DMKN: variants seen among roughly 807,000 people sequenced by gnomAD.
DMKN encodes dermokine.
In DMKN, 58 loss-of-function variants were observed where a neutral mutation model predicts 67.6. That is an observed-to-expected ratio of 0.86 (90% confidence interval 0.69 to 1.07). The LOEUF is 1.07. DMKN is among the 50% of genes least tolerant of loss of function. The probability of loss-of-function intolerance (pLI) is 0.00; values close to 1 mark genes in which losing one functional copy is unlikely to be tolerated. For synonymous variants in DMKN, 240 were observed against 232.3 expected (o/e 1.03, Z -0.30); for missense variants, 596 against 601.5 (o/e 0.99, Z 0.10).
chr19:35,509,823 G>C, intron 7 of DMKN, 88 bp downstream of exon 7: 1 of 1,487,390 alleles, frequency 6.7e-7, no homozygotes, highest in Non-Finnish European at 9.3e-7. Context: ...GGCAGGAGGG[G>C]GTTGAGCAGA....
At chr19:35,511,891 C>A (rs2070893833) in intron 3 of DMKN, 78 bp from the exon 4 acceptor site, 16 of 1,462,198 alleles carry the variant, frequency 1.1e-5, no homozygotes, top group Middle Eastern at 1.8e-4. Flanking sequence ...ACAGGCCAGG[C>A]CTCTCCCATT....
chr19:35,508,250 GAGACAAAGAAACAC>G, intron 7 of DMKN: 1 of 1,552,126 alleles, frequency 6.4e-7, no homozygotes, highest in Non-Finnish European at 8.7e-7. Context: ...CCTGCAGGGT[GAGACAAAGAAACAC>G]AGACCCCTGC....
intron 11 of DMKN, 27 bp from the exon 12 acceptor site, chr19:35,500,607 G>A (rs765749130): frequency 3.1e-6 from 5 of 1,597,578 alleles, no homozygotes; most frequent in South Asian, 2.2e-5. Flanking sequence ...GCCACAGTTC[G>A]TGCCTCCGCA....
At chr19:35,502,942 CCCTCCT>C (rs2068684984) in intron 9 of DMKN, 56 bp from the exon 10 acceptor site, 1 of 1,552,680 alleles carries the variant, frequency 6.4e-7, no homozygotes, top group Non-Finnish European at 8.8e-7. Context: ...ACTCACCCAC[CCCTCCT>C]CCTGCTACTG....
At chr19:35,502,013 G>GA in intron 11 of DMKN, 123 bp downstream of exon 11, 1 of 1,578,604 alleles carries the variant, frequency 6.3e-7, no homozygotes, top group South Asian at 1.1e-5. Context: ...CCCCACTCGG[G>GA]ATTGCACAAA....
chr19:35,499,160 C>T lies in DMKN; in HGVS notation c.1360-263G>A, dbSNP rs2067940973. The T allele has an allele frequency of 5.2e-5, 28 of 535,734 alleles. No homozygotes were observed. In the South Asian group the frequency reaches 5.6e-4, roughly 11 times the overall value. 33.2% of individuals were successfully genotyped at this position (535,734 alleles called of 1,614,324 possible). A position where few individuals can be genotyped will look rare whatever the true frequency, so the allele number is the denominator to read the frequency against. ...AAGGGGGTCAAAAGAGCATAGGCCT[C>T]GCTTTGGCCTGCCAGGTAGGGAGAC... On this transcript the variant is annotated intron_variant, in intron 13 of 15. Coordinates refer to ENST00000339686, the MANE Select transcript of DMKN (RefSeq NM_033317.5).
intron 3 of DMKN, 39 bp from the exon 4 acceptor site, chr19:35,511,852 G>C (rs1159769342): frequency 6.3e-7 from 1 of 1,590,822 alleles, no homozygotes; most frequent in African/African-American, 1.3e-5. Flanking sequence ...GGGACGGTGA[G>C]TTTGGAGACG....
rs556331150 is a variant in DMKN at position 35,513,206 on chromosome 19, G to A, written c.270C>T (p.Gly90=). Residue 90 remains glycine, a synonymous_variant, in exon 1 of 16, where the codon GGC becomes GGT. Coordinates refer to ENST00000339686, the MANE Select transcript of DMKN (RefSeq NM_033317.5). ...GTGVRQVPGF[G]VADALGNRVG... ...CCCTGTTGCCCAAAGCATCTGCTAC[G>A]CCAAAGCCTGGAACCTGCCTGACTC... The A allele has an allele frequency of 2.0e-5, 33 of 1,614,198 alleles. No homozygotes were observed. Among genetic ancestry groups the A allele is most frequent in the East Asian group, 1.6e-4 (7 of 44,880 alleles).
chr19:35,506,560 G>A (rs576494384), intron 7 of DMKN: 1 of 478,212 alleles, frequency 2.1e-6, no homozygotes, highest in Non-Finnish European at 4.1e-6. Context: ...CCTTGGTCTG[G>A]TGGTGACATG....
chr19:35,499,277 A>C (rs1599794660), intron 13 of DMKN: 1 of 288,554 alleles, frequency 3.5e-6, no homozygotes, highest in South Asian at 4.3e-5. Context: ...CCCTCCTCTC[A>C]CCAGCCTGTA....
At chr19:35,511,314 G>A in intron 5 of DMKN, 97 bp downstream of exon 5, 1 of 1,574,962 alleles carries the variant, frequency 6.3e-7, no homozygotes. Flanking sequence ...CCCATCCTCG[G>A]GCAGCGGCAG....
chr19:35,506,074 G>A, intron 7 of DMKN, 88 bp from the exon 8 acceptor site: 1 of 1,608,828 alleles, frequency 6.2e-7, no homozygotes, highest in Middle Eastern at 1.6e-4. Context: ...GGGAGGCGAG[G>A]ATTGTGTGAC....
At chr19:35,502,691 C>T (rs1020157062) in intron 10 of DMKN, 139 bp downstream of exon 10, 6 of 837,382 alleles carry the variant, frequency 7.2e-6, no homozygotes, top group Non-Finnish European at 1.2e-5. Flanking sequence ...GGTGATAGAG[C>T]GAGACTCTGT....
Position 35,513,514 on chromosome 19 carries a change from C to T in DMKN, c.-39G>A, listed in dbSNP as rs765659801. ...CCTCTCTCTCCAGAGTGTCTTCCTCCCACCAGGGTCTCCTCCTTGCCGCCC... is the reference window on the plus strand; with the variant it reads ...CCTCTCTCTCCAGAGTGTCTTCCTCTCACCAGGGTCTCCTCCTTGCCGCCC... On this transcript the variant is annotated 5_prime_UTR_variant, in exon 1 of 16. Coordinates refer to ENST00000339686, the MANE Select transcript of DMKN (RefSeq NM_033317.5). The T allele has an allele frequency of 1.3e-6, 2 of 1,563,298 alleles. No homozygotes were observed. Among genetic ancestry groups the T allele is most frequent in the Non-Finnish European group, 8.6e-7 (1 of 1,164,688 alleles).
rs750312430 is a variant in DMKN at position 35,505,705 on chromosome 19, G to A, written c.1134+13C>T. The A allele has an allele frequency of 6.2e-7, 1 of 1,614,200 alleles. No homozygotes were observed. The highest frequency in any genetic ancestry group is 8.5e-7 in the Non-Finnish European group (1 of 1,180,022). ...CCCTATAGCCCTCTCCGACGAAGAT[G>A]TCCAGCCCTTACCTTGTTTATGGCA... is the stretch of plus-strand genomic sequence containing the variant. On this transcript the variant is annotated intron_variant, in intron 9 of 15. Transcript: ENST00000339686.
rs750133968 is a variant in DMKN at position 35,509,917 on chromosome 19, C to A, written c.1032G>T (p.Gly344=). 6 of 1,614,202 alleles carry A rather than the reference C, an allele frequency of 3.7e-6. No individual in the cohort carries two copies. Among genetic ancestry groups the A allele is most frequent in the Non-Finnish European group, 5.1e-6 (6 of 1,180,028 alleles). The change falls in exon 7 of 16, where the codon GGG becomes GGT. Residue 344 remains glycine, a synonymous_variant. Transcript: ENST00000339686. ...AAGAGACTTTGGCTCTCACCTGAAT[C>A]CCAGATTCCCCGCTCCCGCGGGCTT... The part of the protein sequence containing the change: ...GNEARGSGES[G]IQNSETSPGM...
At chr19:35,510,073 G>C (rs1400261460) in intron 6 of DMKN, 111 bp downstream of exon 6, 6 of 1,570,830 alleles carry the variant, frequency 3.8e-6, no homozygotes. Flanking sequence ...CCACCTCCGC[G>C]GCCATCCAGC....
chr19:35,500,099 C>T, intron 12 of DMKN, 70 bp from the exon 13 acceptor site: 1 of 1,546,408 alleles, frequency 6.5e-7, no homozygotes, highest in Non-Finnish European at 8.9e-7. Context: ...ATAAACATCC[C>T]ACCTTCCTGC....
intron 3 of DMKN, 138 bp downstream of exon 3, chr19:35,512,283 C>A: frequency 3.3e-6 from 4 of 1,204,138 alleles, no homozygotes; most frequent in South Asian, 1.6e-5. Context: ...CAGGTGTGAG[C>A]CACCTCGCCC....
Sources: gnomAD v4.1 joint callset for allele counts on GRCh38, gnomAD v4.1.1 for gene constraint, MANE v1.5 for transcripts, NCBI Gene and HGNC (gene_info 2026-07-23, HGNC 2026-07-21) for gene names.